Variants in CNOT3 observed in about 807,000 individuals in gnomAD.
CNOT3 encodes the protein CCR4-NOT transcription complex subunit 3, also known as CCR4-associated factor 3.
A neutral mutation model predicts 89.4 loss-of-function variants in CNOT3; 2 were observed. The observed-to-expected ratio is 0.02, with a 90% confidence interval of 0.01 to 0.07. The LOEUF (loss-of-function observed/expected upper bound fraction) is 0.07, where lower values mean the gene tolerates loss of function less well. Among genes scored for constraint, CNOT3 ranks in the 10% least tolerant of loss-of-function variants. The pLI is 1.00. For synonymous variants in CNOT3, 486 were observed against 402.0 expected, an observed-to-expected ratio of 1.21 and a Z score of -2.50; for missense variants, 664 against 1,010.2, an observed-to-expected ratio of 0.66 and a Z score of 4.65.
At chr19:54,154,393 C>T (rs562213372) in intron 17 of CNOT3, 2 of 225,492 alleles carry the variant, frequency 8.9e-6, no homozygotes, top group East Asian at 1.0e-4. Flanking sequence ...GCAAGTCACT[C>T]GAACCTCTGT....
intron 9 of CNOT3, 48 bp downstream of exon 9, chr19:54,146,091 A>G (rs1316894902): frequency 2.5e-6 from 4 of 1,598,284 alleles, no homozygotes; most frequent in Non-Finnish European, 2.6e-6. Context: ...GCAGGGCAGG[A>G]CTCGAGGAGA....
At chr19:54,152,390 T>G in intron 14 of CNOT3, 38 bp from the exon 15 acceptor site, 1 of 1,613,892 alleles carries the variant, frequency 6.2e-7, no homozygotes, top group Non-Finnish European at 8.5e-7. Flanking sequence ...TGACCCATCC[T>G]CACCACTGAG....
intron 17 of CNOT3, 114 bp downstream of exon 17, chr19:54,153,954 C>T (rs1249640043): frequency 2.9e-6 from 4 of 1,369,198 alleles, no homozygotes; most frequent in African/African-American, 1.4e-5. Flanking sequence ...CTGGCGCAGT[C>T]CCTCAGCCTG....
Position 54,148,407 on chromosome 19 carries a change from C to A in CNOT3, c.1154C>A (p.Thr385Lys), listed in dbSNP as rs746475797. ...VAPPAPSGPSTTQPRPPSVQP... is the reference protein window; with the variant it reads ...VAPPAPSGPSKTQPRPPSVQP... ...CCACCAGCTCCCAGTGGGCCCAGCA[C>A]GACCCAGCCCCGGCCCCCCAGCGTC... is the stretch of plus-strand genomic sequence containing the variant. The change falls in exon 11 of 18, where the codon ACG (threonine) becomes AAG (lysine). Residue 385 changes from threonine to lysine, a missense_variant. Physicochemically the swap from Thr to Lys is moderately conservative, Grantham distance 78 (BLOSUM62 -1). This residue lies in a region of CNOT3 where 545 missense variants were observed against 566.2 expected (regional missense o/e 0.96). Coordinates refer to ENST00000221232, the MANE Select transcript of CNOT3 (RefSeq NM_014516.4). The surrounding 1 kb of genome is among the most constrained non-coding windows in gnomAD (Gnocchi z 6.3). The A allele has an allele frequency of 1.9e-6, 3 of 1,562,426 alleles. No individual in the cohort carries two copies. The highest frequency in any genetic ancestry group is 2.6e-6 in the Non-Finnish European group (3 of 1,152,794).
At position 54,144,485 on chromosome 19, in the gene CNOT3, G is replaced by A. The variant is rs1457916653; in HGVS notation, c.483+153G>A. 1.3e-5 allele frequency among the ~76,000 whole-genome samples: 2 copies of A among 152,226 alleles called. No homozygotes were observed. The highest frequency in any genetic ancestry group is 2.9e-5 in the Non-Finnish European group (2 of 68,040). On this transcript the variant is annotated intron_variant, in intron 7 of 17. Transcript: ENST00000221232. The surrounding 1 kb of genome is among the most constrained non-coding windows in gnomAD (Gnocchi z 4.8). ...CCGGGATTAGGGATTTGAGAGACAG[G>A]ATTGGGAGGGCTTAGCAGCTGCACG...
At chr19:54,152,771 T>A (rs2075194465) in intron 15 of CNOT3, 96 bp from the exon 16 acceptor site, 3 of 860,162 alleles carry the variant, frequency 3.5e-6, no homozygotes, top group African/African-American at 3.3e-5. Flanking sequence ...GGTCTTTCTG[T>A]ACCACCTCCC....
intron 17 of CNOT3, chr19:54,154,374 C>T (rs931374114): frequency 2.0e-5 from 5 of 244,164 alleles, no homozygotes; most frequent in South Asian, 5.0e-5. Flanking sequence ...TCCAGCTGGG[C>T]GACTCTAGGC....
rs766223545 is a variant in CNOT3, at chr19:54,153,730, T to C, written c.2053T>C (p.Tyr685His). The C allele has an allele frequency of 6.2e-7, 1 of 1,613,994 alleles. No individual in the cohort carries two copies. The highest frequency in any genetic ancestry group is 1.1e-5 in the South Asian group (1 of 91,082). Residue 685 changes from tyrosine (Y) to histidine (H), a missense_variant, in exon 17 of 18, where the codon TAT (tyrosine) becomes CAT (histidine). This residue lies in a region of CNOT3 where 15 missense variants were observed against 32.7 expected (regional missense o/e 0.46). Transcript: ENST00000221232. ...CCTCCCCCAGGGCACTAAGGCACAG[T>C]ATCTGGCAGCCAAGGCCCTAAAGAA... ...FYYLEGTKAQ[Y>H]LAAKALKKQS...
rs772657252 is a variant in CNOT3 at position 54,148,743 on chromosome 19, C to T, written c.1406C>T (p.Ser469Leu). ...CCCCACAACCCACCTCCCAGCACCTCGTGAGTGTCTCGGCCATCGGCAGGG... is the reference window on the plus strand; with the variant it reads ...CCCCACAACCCACCTCCCAGCACCTTGTGAGTGTCTCGGCCATCGGCAGGG... ...SGPHNPPPST[S>L]KEPSAAAPTG... The change falls in exon 12 of 18, where the codon TCG (serine) becomes TTG (leucine). Residue 469 changes from serine to leucine, a missense_variant and splice_region_variant. Ser to Leu is a moderately radical substitution (Grantham distance 145). Coordinates refer to ENST00000221232, the MANE Select transcript of CNOT3 (RefSeq NM_014516.4). This position sits in a 1 kb window ranked among gnomAD's most constrained non-coding sequence, Gnocchi z 6.3. The T allele has an allele frequency of 1.8e-5, 29 of 1,610,926 alleles. No individual in the cohort carries two copies. Among genetic ancestry groups the T allele is most frequent in the Middle Eastern group, 1.9e-4 (1 of 5,208 alleles).
At chr19:54,146,111 G>T (rs928036220) in intron 9 of CNOT3, 68 bp downstream of exon 9, 58 of 1,578,692 alleles carry the variant, frequency 3.7e-5, no homozygotes, top group Non-Finnish European at 4.8e-5. Context: ...ACAAATCTGG[G>T]TCACTCCAAA....
chr19:54,155,203 C>T, intron 17 of CNOT3, 106 bp from the exon 18 acceptor site: 1 of 1,404,992 alleles, frequency 7.1e-7, no homozygotes, highest in South Asian at 1.3e-5. Flanking sequence ...TGGCCCGGTG[C>T]CTGACACATC....
chr19:54,145,672 C>T lies in CNOT3; in HGVS notation c.558C>T (p.Ile186=), dbSNP rs2074635930. The change falls in exon 8 of 18, where the codon ATC becomes ATT. Residue 186 remains isoleucine (I), a synonymous_variant. Transcript: ENST00000221232. The surrounding 1 kb of genome is among the most constrained non-coding windows in gnomAD (Gnocchi z 5.9). ...ACCACGTGCGCATGCTAGAGACCAT[C>T]CTGCGCATGCTGGACAATGACTCCA... The part of the protein sequence containing the change: ...HRYHVRMLET[I]LRMLDNDSIL... 2 of 1,613,714 alleles carry T rather than the reference C, an allele frequency of 1.2e-6. No individual in the cohort carries two copies. The highest frequency in any genetic ancestry group is 1.1e-5 in the South Asian group (1 of 91,072).
chr19:54,142,284 C>T (rs2074480729), intron 1 of CNOT3: 1 of 153,190 alleles, frequency 6.5e-6, no homozygotes, highest in Admixed American at 6.5e-5. Flanking sequence ...AAGGATCCTG[C>T]TCTGGAATAA....
chr19:54,149,479 C>G (rs2074924062), intron 12 of CNOT3, 81 bp from the exon 13 acceptor site: 1 of 833,452 alleles, frequency 1.2e-6, no homozygotes, highest in Non-Finnish European at 1.8e-6. Flanking sequence ...TGCAGTCTCC[C>G]CTCTCTCCAG....
rs1264460935 is a variant in CNOT3, at chr19:54,144,285, G to T, written c.436G>T (p.Val146Leu). The change falls in exon 7 of 18, where the codon GTG becomes TTG. Residue 146 changes from valine to leucine, a missense_variant. Physicochemically the swap from Val to Leu is conservative, Grantham distance 32. Around this residue, in one of 8 missense-constraint regions of CNOT3, gnomAD observed 37 missense variants for 79.5 expected, o/e 0.47. Coordinates refer to ENST00000221232, the MANE Select transcript of CNOT3 (RefSeq NM_014516.4). The surrounding 1 kb of genome is among the most constrained non-coding windows in gnomAD (Gnocchi z 4.8). ...NMQVDQFESE[V>L]ESLSVQTRKK... Reference sequence around the variant, plus strand: ...GCAGGTGGACCAGTTTGAGAGTGAAGTGGAGTCACTGTCAGTGCAGACACG... The same window carrying T: ...GCAGGTGGACCAGTTTGAGAGTGAATTGGAGTCACTGTCAGTGCAGACACG... 3 of 1,614,122 alleles carry T rather than the reference G, an allele frequency of 1.9e-6. No individual in the cohort carries two copies.
intron 1 of CNOT3, among the ~76,000 whole-genome samples, chr19:54,140,124 C>T (rs1398385996): frequency 6.6e-6 from 1 of 152,196 alleles, no homozygotes; most frequent in Non-Finnish European, 1.5e-5. Flanking sequence ...CCTGCCCCTC[C>T]CTCCTCGAGT....
In CNOT3 at chr19:54,152,583, G is replaced by A. The variant is rs779886418; in HGVS notation, c.1861G>A (p.Ala621Thr). The change falls in exon 15 of 18, where the codon GCC becomes ACC. Residue 621 changes from alanine to threonine, a missense_variant. This residue lies in a region of CNOT3 where 545 missense variants were observed against 566.2 expected (regional missense o/e 0.96). Transcript: ENST00000221232. ...CTATCAGCAGGCCATGGAAGAGGCC[G>A]CCTGGCACCACATGCCTCACCCCTC... ...QLYQQAMEEAAWHHMPHPSDS... is the reference protein window; with the variant it reads ...QLYQQAMEEATWHHMPHPSDS... The A allele has an allele frequency of 2.1e-5, 34 of 1,613,740 alleles. No individual in the cohort carries two copies. Among genetic ancestry groups the A allele is most frequent in the Admixed American group, 3.3e-5 (2 of 60,004 alleles).
At chr19:54,154,207 T>C in intron 17 of CNOT3, 1 of 428,982 alleles carries the variant, frequency 2.3e-6, no homozygotes. Context: ...CGAGGGACCT[T>C]GATGGCCCCC....
In CNOT3 at chr19:54,144,107, G is replaced by A. The variant is rs2074561259; in HGVS notation, c.360G>A (p.Glu120=). ...LAQKVDPAQK[E]KEEVGQWLTN... is the part of the protein sequence containing the mutation. The stretch of plus-strand genomic sequence containing the variant: ...AGAAGGTAGATCCTGCCCAGAAGGA[G>A]AAGGAAGAGGTTGGCCAGTGGCTCA... The change falls in exon 6 of 18, where the codon GAG becomes GAA. Residue 120 remains glutamate, a synonymous_variant. Coordinates refer to ENST00000221232, the MANE Select transcript of CNOT3 (RefSeq NM_014516.4). This position sits in a 1 kb window ranked among gnomAD's most constrained non-coding sequence, Gnocchi z 4.8. The A allele has an allele frequency of 6.2e-7, 1 of 1,606,014 alleles. No individual in the cohort carries two copies. The highest frequency in any genetic ancestry group is 8.5e-7 in the Non-Finnish European group (1 of 1,176,946).
Sources: gnomAD v4.1 joint callset for allele counts (sites outside exome capture counted in the v4.1 genomes callset) on GRCh38, gnomAD v4.1.1 for gene constraint, gnomAD v4.1.1 regional missense constraint, Gnocchi (gnomAD v3.1) non-coding constraint, MANE v1.5 for transcripts, NCBI Gene and HGNC (gene_info 2026-07-23, HGNC 2026-07-21) for gene names.